The following ATG7 variants were observed in gnomAD, a reference collection of about 807,000 sequenced individuals.
The protein encoded by ATG7 is autophagy related 7, also known as ubiquitin-like modifier-activating enzyme ATG7.
ATG7 carries 70 observed loss-of-function variants against 82.4 expected under a neutral mutation model. That is an observed-to-expected ratio of 0.85 (90% CI 0.70 to 1.04). The LOEUF (loss-of-function observed/expected upper bound fraction) is 1.04, where lower values mean the gene tolerates loss of function less well. ATG7 is among the 50% of genes least tolerant of loss of function. ATG7 has a pLI of 0.00. For missense variants in ATG7, 792 were observed against 864.3 expected (o/e 0.92, Z 1.05); for synonymous variants, 287 against 313.0 (o/e 0.92, Z 0.88).
At chr3:11,494,954 C>T (rs1038861220) in intron 20 of ATG7, among the ~76,000 whole-genome samples, 1 of 152,142 alleles carries the variant, frequency 6.6e-6, no homozygotes, top group Admixed American at 6.5e-5. Context: ...CACCTGTAAT[C>T]CCAGCTACTC....
At chr3:11,418,195 C>T (rs2081572984) in intron 19 of ATG7, among the ~76,000 whole-genome samples, 1 of 151,808 alleles carries the variant, frequency 6.6e-6, no homozygotes, top group Admixed American at 6.6e-5. Context: ...GCCTCAACCT[C>T]CCGGGTTTAA....
At chr3:11,286,038 T>C (rs541479244) in intron 3 of ATG7, among the ~76,000 whole-genome samples, 3 of 152,338 alleles carry the variant, frequency 2.0e-5, no homozygotes, top group African/African-American at 7.2e-5. Context: ...AGAATGTTTT[T>C]CAACTTGGGT....
At chr3:11,415,778 T>C (rs889184123) in intron 19 of ATG7, among the ~76,000 whole-genome samples, 1 of 150,262 alleles carries the variant, frequency 6.7e-6, no homozygotes, top group Non-Finnish European at 1.5e-5. Context: ...TTTTTTTAAA[T>C]AAGTAGAGGG....
At chr3:11,357,772 G>A (rs528301622) in intron 14 of ATG7, among the ~76,000 whole-genome samples, 2 of 152,136 alleles carry the variant, frequency 1.3e-5, no homozygotes, top group South Asian at 4.2e-4. Flanking sequence ...GCACTTTGGA[G>A]GCCGAATCAG....
intron 20 of ATG7, among the ~76,000 whole-genome samples, chr3:11,506,553 A>G (rs542101130): frequency 7.3e-5 from 3 of 41,332 alleles, no homozygotes; most frequent in African/African-American, 3.2e-4. Context: ...CCCCATCTCT[A>G]CAAAAAAAAA....
intron 20 of ATG7, among the ~76,000 whole-genome samples, chr3:11,481,654 T>C (rs1205158117): frequency 6.6e-6 from 1 of 152,248 alleles, no homozygotes; most frequent in African/African-American, 2.4e-5. Flanking sequence ...TTGGACTTAA[T>C]GTCAGCACCA....
intron 20 of ATG7, among the ~76,000 whole-genome samples, chr3:11,430,232 C>G (rs1301486006): frequency 6.6e-6 from 1 of 152,060 alleles, no homozygotes; most frequent in East Asian, 1.9e-4. Flanking sequence ...AGAGGACCTC[C>G]TAGCAACAAA....
intron 19 of ATG7, among the ~76,000 whole-genome samples, chr3:11,400,617 C>T (rs989733834): frequency 8.5e-5 from 13 of 152,056 alleles, no homozygotes; most frequent in African/African-American, 3.1e-4. Context: ...ACCCCCCACC[C>T]CAAAATACTG....
At chr3:11,424,799 T>C (rs988365797) in intron 19 of ATG7, among the ~76,000 whole-genome samples, 2 of 152,174 alleles carry the variant, frequency 1.3e-5, no homozygotes, top group African/African-American at 4.8e-5. Context: ...CATAAACAAG[T>C]ATGTACATCC....
intron 19 of ATG7, among the ~76,000 whole-genome samples, chr3:11,384,982 TAAC>T (rs2078204794): frequency 6.6e-6 from 1 of 152,198 alleles, no homozygotes; most frequent in African/African-American, 2.4e-5. Context: ...AAGCATGAAA[TAAC>T]AAAAAGTCAA....
At chr3:11,491,258 T>C (rs1384142700) in intron 20 of ATG7, among the ~76,000 whole-genome samples, 5 of 152,226 alleles carry the variant, frequency 3.3e-5, no homozygotes, top group Admixed American at 1.3e-4. Context: ...TTCCACTTGA[T>C]TGCATTGGCT....
At chr3:11,560,579 G>C (rs890077740), downstream of ATG7, among the ~76,000 whole-genome samples, 85 of 152,350 alleles carry the variant, frequency 5.6e-4, no homozygotes, top group South Asian at 1.2e-3. Flanking sequence ...CAGTGATTGG[G>C]AATGGTGAAA....
intron 7 of ATG7, among the ~76,000 whole-genome samples, chr3:11,311,313 G>T (rs1170572602): frequency 6.6e-6 from 1 of 152,038 alleles, no homozygotes; most frequent in Non-Finnish European, 1.5e-5. Context: ...CTTAGAATTC[G>T]TGAGGTCCGG....
chr3:11,550,401 A>C (rs1046859179), intron 20 of ATG7, among the ~76,000 whole-genome samples: 3 of 151,286 alleles, frequency 2.0e-5, no homozygotes, highest in African/African-American at 7.3e-5. Context: ...CTCTTCTTGA[A>C]TTTTATTTAT....
In ATG7 at chr3:11,393,085, A is replaced by G. The variant is rs79994656; in HGVS notation, c.1956+13033A>G. Among the ~76,000 whole-genome samples the G allele has an allele frequency of 1.0e-3, 155 of 152,292 alleles. 4 individuals carry two copies. In the East Asian group the frequency reaches 0.018, roughly 17 times the overall value. On this transcript the variant is annotated intron_variant, in intron 19 of 20. Coordinates refer to ENST00000693202, the MANE Select transcript of ATG7 (RefSeq NM_001349232.2). ...ACTTTTCATTGGCGCAGGTGATGGA[A>G]TCCTCTGTTAAGTGTCCAGACCCAG...
chr3:11,395,728 C>G (rs997169418), intron 19 of ATG7, among the ~76,000 whole-genome samples: 3 of 151,624 alleles, frequency 2.0e-5, no homozygotes, highest in Admixed American at 2.0e-4. Context: ...ATCACGAGGT[C>G]AGGAGATCGA....
At chr3:11,338,992 T>C (rs1385674611) in intron 11 of ATG7, among the ~76,000 whole-genome samples, 2 of 151,926 alleles carry the variant, frequency 1.3e-5, no homozygotes, top group East Asian at 3.9e-4. Context: ...AGTAGGAGAA[T>C]GGACAAAGAA....
intron 20 of ATG7, among the ~76,000 whole-genome samples, chr3:11,482,940 C>G (rs1047097328): frequency 2.0e-5 from 3 of 151,924 alleles, no homozygotes; most frequent in South Asian, 2.1e-4. Flanking sequence ...GAGAAGCCCC[C>G]CCTTGAGCCC....
intron 20 of ATG7, among the ~76,000 whole-genome samples, chr3:11,500,981 A>G (rs748333998): frequency 7.2e-5 from 11 of 152,364 alleles, no homozygotes; most frequent in African/African-American, 2.2e-4. Flanking sequence ...AGGGCCGGGC[A>G]TGGTAGCTCA....
Sources: gnomAD v4.1 joint callset for allele counts (sites outside exome capture counted in the v4.1 genomes callset) on GRCh38, gnomAD v4.1.1 for gene constraint, MANE v1.5 for transcripts, NCBI Gene and HGNC (gene_info 2026-07-23, HGNC 2026-07-21) for gene names.